The following SULF1 variants were observed in gnomAD, a reference collection of about 807,000 sequenced individuals.
SULF1 encodes extracellular sulfatase Sulf-1.
A neutral mutation model predicts 110.5 loss-of-function variants in SULF1; 46 were observed. That is an observed-to-expected ratio of 0.42 (90% confidence interval 0.33 to 0.53). The LOEUF is 0.53. SULF1 is among the 20% of genes least tolerant of loss of function. SULF1 has a pLI of 0.12. For synonymous variants in SULF1, 371 were observed against 387.1 expected (o/e 0.96, Z 0.49); for missense variants, 941 against 1,094.2 (o/e 0.86, Z 1.98).
At chr8:69,603,141 C>T (rs767910158) in intron 10 of SULF1, 51 bp from the exon 11 acceptor site, 2 of 1,608,498 alleles carry the variant, frequency 1.2e-6, no homozygotes, top group Admixed American at 3.3e-5. Context: ...GCCCTAAGTG[C>T]CACCTTCCCC....
chr8:69,624,040 T>C lies in SULF1; in HGVS notation c.1693T>C (p.Leu565=), dbSNP rs1387122747. The change falls in exon 15 of 23, where the codon TTG becomes CTG. Residue 565 remains leucine (L), a synonymous_variant. Coordinates refer to ENST00000402687, the MANE Select transcript of SULF1 (RefSeq NM_001128205.2). ...CATAAATCTGGAAGAAGAAGAAGAA[T>C]TGCAAGTGTTGCAACCAAGAAACAT... ...YDINLEEEEE[L]QVLQPRNIAK... 6 of 1,614,152 alleles carry C rather than the reference T, an allele frequency of 3.7e-6. No homozygotes were observed. Among genetic ancestry groups the C allele is most frequent in the East Asian group, 2.2e-5 (1 of 44,890 alleles).
intron 3 of SULF1, among the ~76,000 whole-genome samples, chr8:69,558,332 CT>C: frequency 6.6e-6 from 1 of 152,218 alleles, no homozygotes; most frequent in South Asian, 2.1e-4. Context: ...CTTCGCATAA[CT>C]GCATAATCTC....
At chr8:69,594,287 G>A (rs1192071062) in intron 8 of SULF1, among the ~76,000 whole-genome samples, 2 of 152,230 alleles carry the variant, frequency 1.3e-5, no homozygotes, top group East Asian at 1.9e-4. Context: ...CTGACCTCAG[G>A]TGATCCGCCC....
rs772279325 is a variant in SULF1, at chr8:69,603,285, C to T, written c.1155C>T (p.Val385=). 4.3e-5 allele frequency: 70 copies of T among 1,614,090 alleles called. No homozygotes were observed. The Middle Eastern group carries it at 5.0e-4, about 11-fold the overall frequency. The change falls in exon 11 of 23, where the codon GTC becomes GTT. Residue 385 remains valine, a synonymous_variant. Transcript: ENST00000402687. Reference sequence around the variant, plus strand: ...CTCCTGATGTGGACGGCAAGTCTGTCCTCAAACTTCTGGACCCAGAAAAGC... The same window carrying T: ...CTCCTGATGTGGACGGCAAGTCTGTTCTCAAACTTCTGGACCCAGAAAAGC... ...DTPPDVDGKS[V]LKLLDPEKPG...
chr8:69,658,131 A>G (rs888780337), intron 22 of SULF1, among the ~76,000 whole-genome samples: 6 of 152,208 alleles, frequency 3.9e-5, no homozygotes, highest in Admixed American at 1.3e-4. Context: ...TCATACAACT[A>G]TTTCTACACT....
Position 69,600,746 on chromosome 8 carries a change from T to A in SULF1, c.878T>A (p.Val293Glu). 1 of 1,613,844 alleles carries A rather than the reference T, an allele frequency of 6.2e-7. No individual in the cohort carries two copies. The highest frequency in any genetic ancestry group is 8.5e-7 in the Non-Finnish European group (1 of 1,179,836). Reference protein sequence around the residue: ...LQTLMSVDDSVERLYNMLVET... With the variant: ...LQTLMSVDDSEERLYNMLVET... Reference sequence around the variant, plus strand: ...ACTTTGATGTCAGTGGATGATTCTGTGGAGAGGGTAAGCACATGAACCTAC... The same window carrying A: ...ACTTTGATGTCAGTGGATGATTCTGAGGAGAGGGTAAGCACATGAACCTAC... The change falls in exon 9 of 23, where the codon GTG (valine) becomes GAG (glutamate). Residue 293 changes from valine to glutamate, a missense_variant. By Grantham distance (121) the Val-to-Glu change is moderately radical (BLOSUM62 -2). This residue lies in a region of SULF1 where 822 missense variants were observed against 934.3 expected (regional missense o/e 0.88). Coordinates refer to ENST00000402687, the MANE Select transcript of SULF1 (RefSeq NM_001128205.2).
At chr8:69,478,610 A>G (rs1809397159) in intron 1 of SULF1, among the ~76,000 whole-genome samples, 1 of 152,170 alleles carries the variant, frequency 6.6e-6, no homozygotes, top group Non-Finnish European at 1.5e-5. Flanking sequence ...CTCAAGCCTC[A>G]TTACCTCCAT....
intron 13 of SULF1, among the ~76,000 whole-genome samples, chr8:69,609,185 C>T (rs183158220): frequency 1.8e-4 from 27 of 151,954 alleles, no homozygotes; most frequent in Admixed American, 1.3e-3. Flanking sequence ...GCCGTCTCCA[C>T]GCACAAACAA....
intron 3 of SULF1, among the ~76,000 whole-genome samples, chr8:69,511,554 T>C (rs1811558108): frequency 6.6e-6 from 1 of 152,200 alleles, no homozygotes. Context: ...CTGTTGAGAC[T>C]TAATTTTTTA....
At chr8:69,614,298 C>T (rs1472024992) in intron 13 of SULF1, among the ~76,000 whole-genome samples, 1 of 152,158 alleles carries the variant, frequency 6.6e-6, no homozygotes, top group African/African-American at 2.4e-5. Context: ...TCCTTTAAGC[C>T]ACACCGATGA....
Position 69,651,051 on chromosome 8 carries a change from C to CTTTTT in SULF1, c.2586-7450_2586-7449insTTTTT, listed in dbSNP as rs111556401. 8.2e-5 allele frequency among the ~76,000 whole-genome samples: 11 copies of CTTTTT among 134,160 alleles called. 1 individual carries two copies. Among genetic ancestry groups the CTTTTT allele is most frequent in the African/African-American group, 1.1e-4 (4 of 36,568 alleles). The allele number at this position is 134,160 out of a possible 152,430, so 88.0% of individuals were successfully genotyped here. ...TCTATCAACATCTATTCTTTTTTTT[C>CTTTTT]TTTTCTTTTTTTTTTTTTTTGAGAC... On this transcript the variant is annotated intron_variant, in intron 22 of 22. Transcript: ENST00000402687.
At chr8:69,558,971 TA>T (rs1273634561) in intron 3 of SULF1, among the ~76,000 whole-genome samples, 10 of 152,188 alleles carry the variant, frequency 6.6e-5, no homozygotes, top group African/African-American at 2.2e-4. Flanking sequence ...GTGAATAAAT[TA>T]TGAATTCATT....
intron 6 of SULF1, among the ~76,000 whole-genome samples, chr8:69,585,657 A>G (rs1806399046): frequency 6.6e-6 from 1 of 152,202 alleles, no homozygotes; most frequent in South Asian, 2.1e-4. Context: ...TGTGACACAT[A>G]CACTTCTACT....
At chr8:69,567,910 C>T (rs1816014415) in intron 5 of SULF1, among the ~76,000 whole-genome samples, 3 of 152,182 alleles carry the variant, frequency 2.0e-5, no homozygotes, top group African/African-American at 7.2e-5. Flanking sequence ...GAGGAACCAC[C>T]TTACTGTTCT....
chr8:69,605,227 G>A (rs1044286135), intron 13 of SULF1, among the ~76,000 whole-genome samples: 1 of 152,194 alleles, frequency 6.6e-6, no homozygotes, highest in Non-Finnish European at 1.5e-5. Context: ...TATAGTCCCT[G>A]TTAACTAGTC....
intron 7 of SULF1, among the ~76,000 whole-genome samples, chr8:69,587,231 C>A (rs558664012): frequency 6.6e-6 from 1 of 152,266 alleles, no homozygotes; most frequent in African/African-American, 2.4e-5. Context: ...ATTTAGCATG[C>A]TTATTTGCCA....
intron 1 of SULF1, among the ~76,000 whole-genome samples, chr8:69,468,028 G>A (rs550488013): frequency 2.2e-4 from 34 of 152,174 alleles, no homozygotes; most frequent in African/African-American, 7.7e-4. Context: ...ATTTTCACAG[G>A]GATCAAAACA....
chr8:69,502,330 T>G (rs1810857915), intron 3 of SULF1, among the ~76,000 whole-genome samples: 1 of 152,238 alleles, frequency 6.6e-6, no homozygotes, highest in Non-Finnish European at 1.5e-5. Flanking sequence ...ATCCACAACA[T>G]ACTCCACAGT....
chr8:69,485,781 C>T (rs1350715645), intron 1 of SULF1, among the ~76,000 whole-genome samples: 1 of 152,190 alleles, frequency 6.6e-6, no homozygotes, highest in African/African-American at 2.4e-5. Context: ...TAATCTATGC[C>T]TCTACGTACT....
Sources: allele counts gnomAD v4.1 joint callset (sites outside exome capture counted in the v4.1 genomes callset), GRCh38; gene constraint gnomAD v4.1.1; regional missense constraint gnomAD v4.1.1; transcripts MANE v1.5; gene names NCBI Gene and HGNC (gene_info 2026-07-23, HGNC 2026-07-21).